The following BST1 variants were observed in gnomAD, a reference collection of about 807,000 sequenced individuals.
The protein encoded by BST1 is bone marrow stromal cell antigen 1.
A neutral mutation model predicts 40.6 loss-of-function variants in BST1; 49 were observed. The observed-to-expected ratio is 1.21, with a 90% CI of 0.96 to 1.53. The LOEUF (loss-of-function observed/expected upper bound fraction) is 1.53. Ranked by LOEUF, BST1 falls within the 40% of genes most tolerant of loss-of-function variation. The pLI, the probability that BST1 is intolerant of heterozygous loss-of-function variation, is 0.00. For missense variants in BST1, 423 were observed against 395.9 expected, an observed-to-expected ratio of 1.07 and a Z score of -0.58; for synonymous variants, 157 against 159.3, an observed-to-expected ratio of 0.99 and a Z score of 0.11.
At chr4:15,725,955 T>C (rs1577591300) in intron 8 of BST1, among the ~76,000 whole-genome samples, 1 of 114,538 alleles carries the variant, frequency 8.7e-6, no homozygotes, top group African/African-American at 3.6e-5. Flanking sequence ...GTCTTTTTTT[T>C]TTTTTTTTTT....
chr4:15,734,014 A>G (rs1018545237), downstream of BST1, among the ~76,000 whole-genome samples: 3 of 152,240 alleles, frequency 2.0e-5, no homozygotes, highest in African/African-American at 4.8e-5. Context: ...ATGGAATACT[A>G]CTCAGCAATA....
At position 15,731,899 on chromosome 4, in the gene BST1, T is replaced by C. The variant is rs1462869913; in HGVS notation, c.*54T>C. On this transcript the variant is annotated 3_prime_UTR_variant, in exon 9 of 9. Transcript: ENST00000265016. ...CCAGCCCTGCAGCCTCCCCTTGCAG[T>C]CATCATTCGTGTTCTGTGTATACCA... is the stretch of plus-strand genomic sequence containing the variant. 29 of 1,572,046 alleles carry C rather than the reference T, an allele frequency of 1.8e-5. No individual in the cohort carries two copies. The highest frequency in any genetic ancestry group is 2.1e-5 in the Non-Finnish European group (24 of 1,158,052).
At chr4:15,767,331 G>A in the BST1 span, among the ~76,000 whole-genome samples, 2 of 151,378 alleles carry the variant, frequency 1.3e-5, no homozygotes, top group Non-Finnish European at 2.9e-5. Flanking sequence ...TTGAGATGGA[G>A]TCTTGCTCTG....
At chr4:15,761,724 T>C in the BST1 span, among the ~76,000 whole-genome samples, 1 of 151,932 alleles carries the variant, frequency 6.6e-6, no homozygotes, top group East Asian at 1.9e-4. Flanking sequence ...GGGTGGAATA[T>C]AGACATGCAC....
chr4:15,715,388 A>T (rs1560281250), intron 5 of BST1, 27 bp downstream of exon 5: 1 of 1,603,034 alleles, frequency 6.2e-7, no homozygotes, highest in East Asian at 2.2e-5. Context: ...ATTCAAACAC[A>T]AGAGAGAATG....
At chr4:15,772,317 T>A in the BST1 span, among the ~76,000 whole-genome samples, 2 of 152,020 alleles carry the variant, frequency 1.3e-5, no homozygotes, top group Admixed American at 6.5e-5. Context: ...ACTATAAGGA[T>A]CATGAAAGAA....
intron 7 of BST1, among the ~76,000 whole-genome samples, chr4:15,720,137 C>T (rs1720732476): frequency 6.6e-6 from 1 of 152,038 alleles, no homozygotes; most frequent in Non-Finnish European, 1.5e-5. Context: ...TTTTGGTCAC[C>T]ACCCCCATAG....
chr4:15,733,145 A>G (rs1721446865), downstream of BST1, among the ~76,000 whole-genome samples: 1 of 152,156 alleles, frequency 6.6e-6, no homozygotes, highest in Non-Finnish European at 1.5e-5. Context: ...GCCAGCTTTT[A>G]TTCCCTTATT....
chr4:15,721,305 G>A (rs1016493278), intron 7 of BST1, among the ~76,000 whole-genome samples: 4 of 152,190 alleles, frequency 2.6e-5, no homozygotes, highest in Non-Finnish European at 5.9e-5. Context: ...CCATTTTGGA[G>A]GGGGCTTATC....
chr4:15,741,182 T>G (rs887594696), downstream of BST1, among the ~76,000 whole-genome samples: 10 of 152,028 alleles, frequency 6.6e-5, no homozygotes, highest in African/African-American at 2.4e-4. Flanking sequence ...AATCACAGAT[T>G]GGAGATCAGC....
chr4:15,710,671 G>T (rs1369602706), intron 3 of BST1, among the ~76,000 whole-genome samples: 13 of 152,184 alleles, frequency 8.5e-5, no homozygotes, highest in Non-Finnish European at 1.6e-4. Context: ...TTTCAAGTGA[G>T]ATCATGCAAT....
At chr4:15,731,110 T>C (rs370167157) in intron 8 of BST1, 2 of 435,528 alleles carry the variant, frequency 4.6e-6, no homozygotes, top group East Asian at 1.1e-4. Flanking sequence ...GTCTGTCCTT[T>C]TCACGTGGCC....
chr4:15,766,675 A>G, the BST1 span, among the ~76,000 whole-genome samples: 1 of 151,354 alleles, frequency 6.6e-6, no homozygotes, highest in African/African-American at 2.4e-5. Context: ...TGTGGCATCA[A>G]CGAGCATGCT....
chr4:15,723,703 GA>G (rs1450505091), intron 8 of BST1: 6 of 827,296 alleles, frequency 7.3e-6, no homozygotes, highest in African/African-American at 1.8e-5. Context: ...TAGATTCCCA[GA>G]AATTGAGTTG....
the BST1 span, among the ~76,000 whole-genome samples, chr4:15,752,219 A>C: frequency 6.6e-6 from 1 of 152,140 alleles, no homozygotes; most frequent in African/African-American, 2.4e-5. Context: ...GGAGATAATA[A>C]ATAGCTTGTA....
chr4:15,737,905 T>A, exon 7 of BST1: 1 of 911,358 alleles, frequency 1.1e-6, no homozygotes, highest in Non-Finnish European at 1.5e-6. Flanking sequence ...AAGAGTTGAG[T>A]CAATTGCATG....
chr4:15,705,023 C>T, intron 1 of BST1: 1 of 732,326 alleles, frequency 1.4e-6, no homozygotes, highest in East Asian at 2.6e-5. Flanking sequence ...TAGCATGGAC[C>T]TCAAGAGGGG....
At chr4:15,711,493 G>A (rs1278355726) in intron 3 of BST1, among the ~76,000 whole-genome samples, 1 of 152,112 alleles carries the variant, frequency 6.6e-6, no homozygotes, top group Admixed American at 6.5e-5. Flanking sequence ...TTTAAACATT[G>A]TTGAGAAATA....
At chr4:15,770,653 T>A in the BST1 span, among the ~76,000 whole-genome samples, 1 of 152,022 alleles carries the variant, frequency 6.6e-6, no homozygotes, top group Non-Finnish European at 1.5e-5. Context: ...TGAGCCGAGA[T>A]TGCATCATTG....
Sources: allele counts gnomAD v4.1 joint callset (sites outside exome capture counted in the v4.1 genomes callset), GRCh38; gene constraint gnomAD v4.1.1; transcripts MANE v1.5; gene names NCBI Gene and HGNC (gene_info 2026-07-23, HGNC 2026-07-21).